Variants in DLGAP1 observed in about 807,000 individuals in gnomAD.
DLGAP1 encodes DLG associated protein 1.
A neutral mutation model predicts 90.8 loss-of-function variants in DLGAP1; 11 were observed. The ratio of observed to expected loss-of-function variants is 0.12; its 90% CI spans 0.08 to 0.20. The LOEUF (loss-of-function observed/expected upper bound fraction) is 0.20, where lower values mean the gene tolerates loss of function less well. Among genes scored for constraint, DLGAP1 ranks in the 10% least tolerant of loss-of-function variants. The probability of loss-of-function intolerance (pLI) is 1.00; values close to 1 mark genes in which losing one functional copy is unlikely to be tolerated. For missense variants in DLGAP1, 1,050 were observed against 1,333.8 expected, an observed-to-expected ratio of 0.79 and a Z score of 3.31; for synonymous variants, 558 against 540.7, an observed-to-expected ratio of 1.03 and a Z score of -0.44.
chr18:3,566,196 G>A (rs563738192), intron 9 of DLGAP1, among the ~76,000 whole-genome samples: 40 of 152,096 alleles, frequency 2.6e-4, no homozygotes, highest in Admixed American at 7.2e-4. Context: ...CTTTCATTGA[G>A]TAATTTAACT....
At chr18:4,129,245 C>T (rs1461104106) in intron 2 of DLGAP1, among the ~76,000 whole-genome samples, 1 of 149,404 alleles carries the variant, frequency 6.7e-6, no homozygotes, top group Non-Finnish European at 1.5e-5. Flanking sequence ...TGATATTTGG[C>T]AATGAAGACG....
chr18:3,546,703 GA>G (rs375955567), intron 9 of DLGAP1, among the ~76,000 whole-genome samples: 1,621 of 151,824 alleles, frequency 0.011, 31 homozygotes, highest in African/African-American at 0.037. Flanking sequence ...GAATGAAAAA[GA>G]AAAAACAATG....
At chr18:4,221,408 C>CT (rs1491027774) in intron 1 of DLGAP1, among the ~76,000 whole-genome samples, 1 of 152,030 alleles carries the variant, frequency 6.6e-6, no homozygotes, top group Non-Finnish European at 1.5e-5. Context: ...AAAATATTCC[C>CT]TCTCTATTGC....
chr18:3,575,112 G>T (rs2055046955), intron 8 of DLGAP1, among the ~76,000 whole-genome samples: 1 of 152,058 alleles, frequency 6.6e-6, no homozygotes, highest in South Asian at 2.1e-4. Context: ...CCATGCATGG[G>T]CCTTTTTATT....
At chr18:3,827,019 T>A (rs1248570329) in intron 4 of DLGAP1, among the ~76,000 whole-genome samples, 1 of 152,154 alleles carries the variant, frequency 6.6e-6, no homozygotes, top group Non-Finnish European at 1.5e-5. Context: ...GAATTCCCAT[T>A]AGCTGAGATG....
At chr18:3,619,429 G>A (rs1173709321) in intron 7 of DLGAP1, among the ~76,000 whole-genome samples, 1 of 152,198 alleles carries the variant, frequency 6.6e-6, no homozygotes, top group Non-Finnish European at 1.5e-5. Flanking sequence ...GTCTAGTGGG[G>A]TCACTAAGGT....
rs115664162 is a variant in DLGAP1, at chr18:4,206,000, C to T, written c.-266-54713G>A. Reference sequence around the variant, plus strand: ...AACTATGGGGAGGTGGAGAGAGTTGCCTATTTCAGAAGATTTCCAGGGATA... The same window carrying T: ...AACTATGGGGAGGTGGAGAGAGTTGTCTATTTCAGAAGATTTCCAGGGATA... On this transcript the variant is annotated intron_variant, in intron 1 of 12. Coordinates refer to ENST00000315677, the MANE Select transcript of DLGAP1 (RefSeq NM_004746.4). 6.2e-3 allele frequency among the ~76,000 whole-genome samples: 948 copies of T among 152,114 alleles called. 7 individuals carry two copies. The highest frequency in any genetic ancestry group is 0.022 in the African/African-American group (908 of 41,490).
At chr18:3,708,798 G>T (rs1391242711) in intron 7 of DLGAP1, among the ~76,000 whole-genome samples, 1 of 152,214 alleles carries the variant, frequency 6.6e-6, no homozygotes, top group Non-Finnish European at 1.5e-5. Context: ...TACGCGTAAA[G>T]AGACTCCTCA....
At chr18:4,090,228 A>G (rs1237777014) in intron 2 of DLGAP1, among the ~76,000 whole-genome samples, 2 of 152,204 alleles carry the variant, frequency 1.3e-5, no homozygotes, top group African/African-American at 4.8e-5. Context: ...AATTGCAACA[A>G]AAGCAAAAAT....
At chr18:4,086,104 G>T (rs1260929666) in intron 2 of DLGAP1, among the ~76,000 whole-genome samples, 3 of 152,180 alleles carry the variant, frequency 2.0e-5, no homozygotes, top group Non-Finnish European at 4.4e-5. Context: ...CTGGTGTGGG[G>T]ACAATCTGAG....
At chr18:4,349,536 G>A (rs1198707166) in intron 1 of DLGAP1, among the ~76,000 whole-genome samples, 1 of 151,806 alleles carries the variant, frequency 6.6e-6, no homozygotes, top group Admixed American at 6.6e-5. Context: ...AAGGGTAAAG[G>A]TAAAAGAATA....
intron 3 of DLGAP1, among the ~76,000 whole-genome samples, chr18:3,934,523 G>A (rs948982811): frequency 7.2e-5 from 11 of 152,094 alleles, no homozygotes; most frequent in Non-Finnish European, 1.6e-4. Context: ...CAGAGAGAGA[G>A]AGAGAGAATA....
intron 7 of DLGAP1, among the ~76,000 whole-genome samples, chr18:3,724,915 A>G (rs564095918): frequency 2.0e-5 from 3 of 151,936 alleles, no homozygotes; most frequent in Non-Finnish European, 4.4e-5. Context: ...AAAAAAAAAA[A>G]AAACCCAACC....
At chr18:3,973,740 A>G (rs1010164507) in intron 3 of DLGAP1, among the ~76,000 whole-genome samples, 1 of 152,192 alleles carries the variant, frequency 6.6e-6, no homozygotes, top group African/African-American at 2.4e-5. Flanking sequence ...AGTTCCGGGG[A>G]AGGCCCAGGG....
At chr18:3,822,111 G>C (rs942153939) in intron 4 of DLGAP1, 44 of 572,374 alleles carry the variant, frequency 7.7e-5, no homozygotes, top group African/African-American at 1.0e-4. Context: ...TCCCAATCAG[G>C]AGAAGATTTC....
At chr18:3,701,272 G>A (rs1170134761) in intron 7 of DLGAP1, among the ~76,000 whole-genome samples, 1 of 152,118 alleles carries the variant, frequency 6.6e-6, no homozygotes, top group African/African-American at 2.4e-5. Context: ...CCGGATCCAG[G>A]GTGAAAGCCT....
intron 7 of DLGAP1, among the ~76,000 whole-genome samples, chr18:3,610,946 A>G (rs907827108): frequency 6.7e-6 from 1 of 148,206 alleles, no homozygotes; most frequent in African/African-American, 2.5e-5. Context: ...CATAATTTGT[A>G]TGACTCATGC....
intron 7 of DLGAP1, chr18:3,596,937 A>G (rs1305706662): frequency 1.9e-6 from 1 of 520,034 alleles, no homozygotes. Flanking sequence ...CTCTGACACC[A>G]GCTGGTCCCC....
Position 4,423,432 on chromosome 18 carries a change from A to G in DLGAP1, c.-267+31574T>C, listed in dbSNP as rs375326012. Reference sequence around the variant, plus strand: ...TGTATGACTCTCTCTTTGCCTACTAAGTGCACGGCATTTCACATCAAATTA... The same window carrying G: ...TGTATGACTCTCTCTTTGCCTACTAGGTGCACGGCATTTCACATCAAATTA... On this transcript the variant is annotated intron_variant, in intron 1 of 12. Transcript: ENST00000315677. 3.5e-4 allele frequency among the ~76,000 whole-genome samples: 53 copies of G among 152,328 alleles called. 1 individual carries two copies. In the South Asian group the frequency reaches 0.011, roughly 31 times the overall value.
Sources: allele counts gnomAD v4.1 joint callset (sites outside exome capture counted in the v4.1 genomes callset), GRCh38; gene constraint gnomAD v4.1.1; transcripts MANE v1.5; gene names NCBI Gene and HGNC (gene_info 2026-07-23, HGNC 2026-07-21).